The following CORIN variants were observed in gnomAD, a reference collection of about 807,000 sequenced individuals.
The protein encoded by CORIN is corin, serine peptidase.
In CORIN, 117 loss-of-function variants were observed where a neutral mutation model predicts 125.3. The observed-to-expected ratio is 0.93, with a 90% CI of 0.80 to 1.09. The LOEUF is 1.09. Ranked by LOEUF, CORIN falls within the 50% of genes least tolerant of loss-of-function variation. CORIN has a pLI of 0.00. For synonymous variants in CORIN, 450 were observed against 466.4 expected, an observed-to-expected ratio of 0.96 and a Z score of 0.45; for missense variants, 1,253 against 1,306.7, an observed-to-expected ratio of 0.96 and a Z score of 0.63.
intron 2 of CORIN, among the ~76,000 whole-genome samples, chr4:47,802,762 G>A (rs1731601716): frequency 6.6e-6 from 1 of 152,146 alleles, no homozygotes; most frequent in South Asian, 2.1e-4. Context: ...AGCTTTGAGT[G>A]AACTTAGGTG....
intron 19 of CORIN, among the ~76,000 whole-genome samples, chr4:47,618,655 TA>T (rs1432270792): frequency 1.3e-5 from 2 of 151,440 alleles, no homozygotes; most frequent in Non-Finnish European, 2.9e-5. Context: ...CCGTCTTTAC[TA>T]AAAATACAAA....
At chr4:47,687,140 A>G (rs1441177238) in intron 6 of CORIN, among the ~76,000 whole-genome samples, 2 of 152,248 alleles carry the variant, frequency 1.3e-5, no homozygotes, top group Non-Finnish European at 2.9e-5. Flanking sequence ...CATTTTTAGA[A>G]GTGAGATACA....
intron 2 of CORIN, among the ~76,000 whole-genome samples, chr4:47,793,091 G>C (rs1191377478): frequency 6.6e-6 from 1 of 152,010 alleles, no homozygotes; most frequent in Non-Finnish European, 1.5e-5. Flanking sequence ...AAACATTCAG[G>C]GGGGAAAAAG....
intron 16 of CORIN, chr4:47,632,518 C>G (rs1205230917): frequency 6.6e-6 from 1 of 152,102 alleles, no homozygotes; most frequent in Non-Finnish European, 1.5e-5. Flanking sequence ...TTTTAACAGG[C>G]AGGTACTAAT....
intron 19 of CORIN, among the ~76,000 whole-genome samples, chr4:47,607,720 G>A (rs1357236817): frequency 6.6e-6 from 1 of 152,132 alleles, no homozygotes; most frequent in Non-Finnish European, 1.5e-5. Flanking sequence ...CCTGTGTCTG[G>A]GTAGAAGCAA....
At chr4:47,792,174 C>T (rs1731111324) in intron 2 of CORIN, among the ~76,000 whole-genome samples, 1 of 151,770 alleles carries the variant, frequency 6.6e-6, no homozygotes, top group African/African-American at 2.4e-5. Flanking sequence ...TAGATAAAGC[C>T]AAGGGAAAAA....
chr4:47,794,398 T>A, intron 2 of CORIN, among the ~76,000 whole-genome samples: 1 of 152,182 alleles, frequency 6.6e-6, no homozygotes, highest in East Asian at 1.9e-4. Flanking sequence ...TTTATTAAAC[T>A]TTCTATAGTC....
intron 4 of CORIN, among the ~76,000 whole-genome samples, chr4:47,752,799 A>G (rs1236538207): frequency 1.3e-5 from 2 of 152,204 alleles, no homozygotes; most frequent in Non-Finnish European, 2.9e-5. Flanking sequence ...TAACCAACAC[A>G]TTCCTGATTC....
intron 19 of CORIN, among the ~76,000 whole-genome samples, chr4:47,621,237 T>C (rs1024491060): frequency 1.3e-5 from 2 of 152,114 alleles, no homozygotes; most frequent in Non-Finnish European, 2.9e-5. Context: ...TTTTGGATGC[T>C]GAGTCAAAAA....
chr4:47,610,644 T>C (rs1171452715), intron 19 of CORIN, among the ~76,000 whole-genome samples: 2 of 152,206 alleles, frequency 1.3e-5, no homozygotes, highest in Non-Finnish European at 2.9e-5. Flanking sequence ...GCTTTCAATA[T>C]TTTTGTCATG....
At chr4:47,807,131 A>C (rs1407478933) in intron 1 of CORIN, 84 bp from the exon 2 acceptor site, 3 of 1,046,636 alleles carry the variant, frequency 2.9e-6, no homozygotes, top group Non-Finnish European at 4.2e-6. Context: ...TCCATTTAGA[A>C]CAGCACATTC....
At chr4:47,706,671 C>G in intron 5 of CORIN, 1 of 1,610,022 alleles carries the variant, frequency 6.2e-7, no homozygotes, top group Non-Finnish European at 8.5e-7. Context: ...AGCCTTCAGT[C>G]CGTTGCGGAG....
chr4:47,595,765 A>G lies in CORIN; in HGVS notation c.3085T>C (p.Trp1029Arg). Reference sequence around the variant, plus strand: ...TGGATGTAAATCTGTCTTTTAATCCATTCGACGAAATATGACACATTACTA... The same window carrying G: ...TGGATGTAAATCTGTCTTTTAATCCGTTCGACGAAATATGACACATTACTA... Reference protein sequence around the residue: ...VYSNVSYFVEWIKRQIYIQTF... With the variant: ...VYSNVSYFVERIKRQIYIQTF... The change falls in exon 22 of 22, where the codon TGG becomes CGG. Residue 1029 changes from tryptophan to arginine, a missense_variant. Physicochemically the swap from Trp to Arg is moderately radical, Grantham distance 101 (BLOSUM62 -3). Transcript: ENST00000273857. The G allele has an allele frequency of 1.9e-6, 3 of 1,612,912 alleles. No individual in the cohort carries two copies. In the South Asian group the frequency reaches 3.3e-5, roughly 18 times the overall value.
chr4:47,604,744 T>G (rs1049189075), intron 19 of CORIN, among the ~76,000 whole-genome samples: 2 of 152,224 alleles, frequency 1.3e-5, no homozygotes, highest in African/African-American at 2.4e-5. Context: ...ACATGGACCA[T>G]GCAATGGCCT....
chr4:47,781,868 G>A (rs1730561927), intron 3 of CORIN, among the ~76,000 whole-genome samples: 1 of 152,124 alleles, frequency 6.6e-6, no homozygotes, highest in African/African-American at 2.4e-5. Context: ...AACCTGGAAG[G>A]CAGAGGTTGC....
intron 5 of CORIN, among the ~76,000 whole-genome samples, chr4:47,724,223 C>T (rs1379096959): frequency 6.6e-6 from 1 of 151,832 alleles, no homozygotes; most frequent in Non-Finnish European, 1.5e-5. Context: ...AAGCTCAGAA[C>T]TGAAAAATAA....
intron 13 of CORIN, among the ~76,000 whole-genome samples, chr4:47,651,247 T>A (rs2109637959): frequency 6.6e-6 from 1 of 152,364 alleles, no homozygotes; most frequent in Admixed American, 6.5e-5. Context: ...ATTGTCCAAT[T>A]ATTCAGTAAA....
intron 10 of CORIN, among the ~76,000 whole-genome samples, chr4:47,671,395 T>A (rs1419890578): frequency 6.6e-6 from 1 of 152,188 alleles, no homozygotes; most frequent in African/African-American, 2.4e-5. Context: ...GTAATACTAG[T>A]CTCTTGATAG....
chr4:47,801,945 C>A (rs1181198404), intron 2 of CORIN, among the ~76,000 whole-genome samples: 1 of 152,204 alleles, frequency 6.6e-6, no homozygotes, highest in African/African-American at 2.4e-5. Flanking sequence ...CTTGTGCCAC[C>A]TCTCCTTCAT....
Sources: allele counts gnomAD v4.1 joint callset (sites outside exome capture counted in the v4.1 genomes callset), GRCh38; gene constraint gnomAD v4.1.1; transcripts MANE v1.5; gene names NCBI Gene and HGNC (gene_info 2026-07-23, HGNC 2026-07-21).